The following PLPP3 variants were observed in gnomAD, a reference collection of about 807,000 sequenced individuals.
The protein encoded by PLPP3 is PAP2 beta.
A neutral mutation model predicts 29.6 loss-of-function variants in PLPP3; 6 were observed. That is an observed-to-expected ratio of 0.20 (90% CI 0.11 to 0.40). PLPP3 has a LOEUF of 0.40. Ranked by LOEUF, PLPP3 falls within the 10% of genes least tolerant of loss-of-function variation. The pLI, the probability that PLPP3 is intolerant of heterozygous loss-of-function variation, is 1.00. For synonymous variants in PLPP3, 152 were observed against 159.7 expected, an observed-to-expected ratio of 0.95 and a Z score of 0.36; for missense variants, 308 against 407.7, an observed-to-expected ratio of 0.76 and a Z score of 2.11.
chr1:56,537,852 G>A (rs1341025616), intron 1 of PLPP3, among the ~76,000 whole-genome samples: 4 of 152,174 alleles, frequency 2.6e-5, no homozygotes, highest in South Asian at 2.1e-4. Context: ...GCACCCAGGA[G>A]AACCAAGTGA....
intron 4 of PLPP3, among the ~76,000 whole-genome samples, chr1:56,522,900 A>C (rs1645829008): frequency 6.6e-6 from 1 of 152,182 alleles, no homozygotes; most frequent in Non-Finnish European, 1.5e-5. Flanking sequence ...CAAGGCAGGG[A>C]AACCCACATG....
chr1:56,518,715 T>TATATATATATA (rs1645798825), intron 4 of PLPP3, among the ~76,000 whole-genome samples: 1 of 126,668 alleles, frequency 7.9e-6, no homozygotes, highest in African/African-American at 2.8e-5. Context: ...TTTTAATCAT[T>TATATATATATA]TATATATATA....
At chr1:56,550,638 C>T (rs1233549809) in intron 1 of PLPP3, among the ~76,000 whole-genome samples, 1 of 152,146 alleles carries the variant, frequency 6.6e-6, no homozygotes, top group Non-Finnish European at 1.5e-5. Flanking sequence ...TATGCCCCTC[C>T]TCCCCTTGTA....
In PLPP3 at chr1:56,566,802, C is replaced by T. The variant is rs1646164947; in HGVS notation, c.139+12076G>A. 2.6e-5 allele frequency among the ~76,000 whole-genome samples: 4 copies of T among 152,286 alleles called. 1 individual carries two copies. In the South Asian group the frequency reaches 8.3e-4, roughly 32 times the overall value. On this transcript the variant is annotated intron_variant, in intron 1 of 5. Coordinates refer to ENST00000371250, the MANE Select transcript of PLPP3 (RefSeq NM_003713.5). ...TTTTTAGTGCATTTATAGATCAACT[C>T]ATTATTCAGGATTTGTATTTGTGTC...
chr1:56,567,124 T>C (rs1021252470), intron 1 of PLPP3, among the ~76,000 whole-genome samples: 5 of 152,194 alleles, frequency 3.3e-5, no homozygotes, highest in African/African-American at 1.2e-4. Context: ...TACGTCACAG[T>C]CACAGCCTGC....
At chr1:56,572,149 C>T (rs1646204317) in intron 1 of PLPP3, among the ~76,000 whole-genome samples, 1 of 136,434 alleles carries the variant, frequency 7.3e-6, no homozygotes, top group Non-Finnish European at 1.5e-5. Context: ...AACTGGGTTC[C>T]AGCAATTCTC....
intron 1 of PLPP3, among the ~76,000 whole-genome samples, chr1:56,567,389 ATTTCTTTTTTTTTTTTTTTTTTTTTT>A (rs1646167593): frequency 7.7e-6 from 1 of 130,302 alleles, no homozygotes; most frequent in Non-Finnish European, 1.6e-5. Flanking sequence ...ATCTTAAGGT[ATTTCTTTTTTTTTTTTTTTTTTTTTT>A]GAGATGGAGT....
rs66593221 is a variant in PLPP3 at position 56,555,433 on chromosome 1, T to TAAAAA, written c.140-18326_140-18322dup. Among the ~76,000 whole-genome samples the TAAAAA allele has an allele frequency of 6.3e-4, 21 of 33,210 alleles. 1 individual carries two copies. Among genetic ancestry groups the TAAAAA allele is most frequent in the South Asian group, 3.5e-3 (5 of 1,414 alleles). 21.8% of individuals were successfully genotyped at this position (33,210 alleles called of 152,430 possible). ...ATGCAGGAGAAGGAAGGCCAAACAC[T>TAAAAA]AAAAAAAAAAAAAAAAAAAAAAAAA... On this transcript the variant is annotated intron_variant, in intron 1 of 5. Coordinates refer to ENST00000371250, the MANE Select transcript of PLPP3 (RefSeq NM_003713.5).
At chr1:56,502,354 C>T (rs1472673061) in intron 5 of PLPP3, among the ~76,000 whole-genome samples, 1 of 152,130 alleles carries the variant, frequency 6.6e-6, no homozygotes, top group Non-Finnish European at 1.5e-5. Context: ...AATCTTAGAA[C>T]CTCAAGAAAA....
chr1:56,549,527 C>T (rs772046728), intron 1 of PLPP3, among the ~76,000 whole-genome samples: 3 of 152,134 alleles, frequency 2.0e-5, no homozygotes. Flanking sequence ...TCCCAGGTGT[C>T]TTGTGGACCT....
chr1:56,497,638 T>C (rs1326946647), intron 5 of PLPP3, among the ~76,000 whole-genome samples: 1 of 152,226 alleles, frequency 6.6e-6, no homozygotes, highest in East Asian at 1.9e-4. Context: ...AACAGCCTTC[T>C]GAATTGATGA....
At chr1:56,552,263 T>C (rs962701256) in intron 1 of PLPP3, among the ~76,000 whole-genome samples, 1 of 150,618 alleles carries the variant, frequency 6.6e-6, no homozygotes, top group Non-Finnish European at 1.5e-5. Context: ...GATAGATAGA[T>C]AGACTGATTC....
At chr1:56,542,788 G>A (rs1331922313) in intron 1 of PLPP3, among the ~76,000 whole-genome samples, 1 of 152,108 alleles carries the variant, frequency 6.6e-6, no homozygotes, top group African/African-American at 2.4e-5. Flanking sequence ...TTGGGAGGCT[G>A]AGGCAGTTGC....
chr1:56,521,426 G>A (rs917425698), intron 4 of PLPP3, among the ~76,000 whole-genome samples: 2 of 152,056 alleles, frequency 1.3e-5, no homozygotes, highest in African/African-American at 2.4e-5. Context: ...AAATAGAGCT[G>A]TGTATATATA....
At chr1:56,526,979 T>C (rs2100253241) in intron 2 of PLPP3, among the ~76,000 whole-genome samples, 1 of 152,284 alleles carries the variant, frequency 6.6e-6, no homozygotes, top group East Asian at 1.9e-4. Context: ...TGAGGATCAG[T>C]CAACACGATT....
intron 1 of PLPP3, among the ~76,000 whole-genome samples, chr1:56,547,728 C>T (rs1373488896): frequency 6.6e-6 from 1 of 152,174 alleles, no homozygotes; most frequent in Non-Finnish European, 1.5e-5. Flanking sequence ...GGATCCATTT[C>T]AGCACACCCC....
In PLPP3 at chr1:56,579,094, G is replaced by T. The variant is rs967921132; in HGVS notation, c.-78C>A. On this transcript the variant is annotated 5_prime_UTR_variant, in exon 1 of 6. Transcript: ENST00000371250. ...AGCCACACACCCAGGCGCCCGGGTC[G>T]CCTCCTGGCCGAGGCTGCTGCGGAT... is the stretch of plus-strand genomic sequence containing the variant. The T allele has an allele frequency of 5.8e-6, 9 of 1,544,702 alleles. No individual in the cohort carries two copies. Among genetic ancestry groups the T allele is most frequent in the Non-Finnish European group, 7.8e-6 (9 of 1,154,416 alleles).
chr1:56,508,419 G>A (rs1319274), intron 5 of PLPP3, among the ~76,000 whole-genome samples: 28,949 of 152,130 alleles, frequency 0.19, 2,975 homozygotes, highest in Middle Eastern at 0.26. Context: ...CAGGGAGTCC[G>A]TAAAGGCTTG....
intron 4 of PLPP3, among the ~76,000 whole-genome samples, chr1:56,520,481 G>C (rs942292471): frequency 6.6e-6 from 1 of 152,080 alleles, no homozygotes; most frequent in African/African-American, 2.4e-5. Flanking sequence ...AAGCCCTGGG[G>C]GAGGGTCTAA....
Sources: allele counts gnomAD v4.1 joint callset (sites outside exome capture counted in the v4.1 genomes callset), GRCh38; gene constraint gnomAD v4.1.1; transcripts MANE v1.5; gene names NCBI Gene and HGNC (gene_info 2026-07-23, HGNC 2026-07-21).